SAMD4A: variants seen among roughly 807,000 people sequenced by gnomAD.
SAMD4A encodes the protein protein Smaug homolog 1.
SAMD4A carries 33 observed loss-of-function variants against 81.3 expected under a neutral mutation model. The observed-to-expected ratio is 0.41, with a 90% CI of 0.31 to 0.54. The LOEUF is 0.54. SAMD4A is among the 20% of genes least tolerant of loss of function. The pLI is 0.37. For synonymous variants in SAMD4A, 389 were observed against 382.1 expected, an observed-to-expected ratio of 1.02 and a Z score of -0.21; for missense variants, 854 against 951.1, an observed-to-expected ratio of 0.90 and a Z score of 1.34.
chr14:54,587,729 T>G (rs1400386084), intron 2 of SAMD4A, among the ~76,000 whole-genome samples: 1 of 152,218 alleles, frequency 6.6e-6, no homozygotes, highest in Non-Finnish European at 1.5e-5. Context: ...GCATCCCTGA[T>G]ATGAAACCCG....
intron 2 of SAMD4A, among the ~76,000 whole-genome samples, chr14:54,674,450 G>C (rs2035947988): frequency 6.6e-6 from 1 of 152,244 alleles, no homozygotes; most frequent in South Asian, 2.1e-4. Context: ...AATTGATTCT[G>C]TTCTCTAAAG....
At chr14:54,784,665 TGCCTGGGAGAACTG>T in intron 12 of SAMD4A, 45 bp downstream of exon 12, 1 of 1,554,958 alleles carries the variant, frequency 6.4e-7, no homozygotes. Flanking sequence ...TGTTACCGTG[TGCCTGGGAGAACTG>T]GCCATCTGCT....
In SAMD4A at chr14:54,789,013, C is replaced by G; in HGVS notation, c.*69C>G. The G allele has an allele frequency of 6.5e-7, 1 of 1,531,760 alleles. No homozygotes were observed. The allele number at this position is 1,531,760 out of a possible 1,614,324, so 94.9% of individuals were successfully genotyped here. On this transcript the variant is annotated 3_prime_UTR_variant, in exon 13 of 13. Coordinates refer to ENST00000554335, the MANE Select transcript of SAMD4A (RefSeq NM_015589.6). ...CTGCGGGTCCAGTGTCCGCCATCTT[C>G]AGGGTTGCACAGAATCCTCCAAGAT...
chr14:54,710,823 G>A (rs1390699496), intron 3 of SAMD4A, among the ~76,000 whole-genome samples: 2 of 152,194 alleles, frequency 1.3e-5, no homozygotes, highest in East Asian at 3.9e-4. Flanking sequence ...AGCTCCTTGG[G>A]GATAGGGGTT....
chr14:54,744,418 G>A (rs1456484685), intron 4 of SAMD4A, among the ~76,000 whole-genome samples: 1 of 152,132 alleles, frequency 6.6e-6, no homozygotes, highest in Non-Finnish European at 1.5e-5. Context: ...CCTGTGGCTG[G>A]TTTATCTAAA....
intron 2 of SAMD4A, among the ~76,000 whole-genome samples, chr14:54,688,552 CT>C (rs2036342462): frequency 6.6e-6 from 1 of 152,202 alleles, no homozygotes; most frequent in South Asian, 2.1e-4. Context: ...GCTTCCCTGT[CT>C]ATCCTTAGAT....
chr14:54,699,181 G>T (rs2273742), intron 2 of SAMD4A, among the ~76,000 whole-genome samples: 19,426 of 152,152 alleles, frequency 0.13, 1,925 homozygotes, highest in East Asian at 0.4. Context: ...TTAATGAATA[G>T]ATTTTATCTT....
intron 2 of SAMD4A, among the ~76,000 whole-genome samples, chr14:54,609,943 C>T (rs1231656594): frequency 1.3e-5 from 2 of 152,110 alleles, no homozygotes; most frequent in Admixed American, 6.5e-5. Context: ...GATGGGAGCC[C>T]ATTATGATTT....
chr14:54,673,708 A>G (rs1466195891), intron 2 of SAMD4A, among the ~76,000 whole-genome samples: 1 of 152,268 alleles, frequency 6.6e-6, no homozygotes, highest in Non-Finnish European at 1.5e-5. Flanking sequence ...GCAGCAGCCC[A>G]GCCCCAGCAG....
intron 5 of SAMD4A, among the ~76,000 whole-genome samples, chr14:54,750,753 G>A (rs935682448): frequency 6.6e-5 from 10 of 152,290 alleles, no homozygotes; most frequent in Admixed American, 4.6e-4. Flanking sequence ...ATGGGGTTGG[G>A]ACCTTTAGGG....
At chr14:54,747,350 C>G (rs893531052) in intron 4 of SAMD4A, among the ~76,000 whole-genome samples, 1 of 152,376 alleles carries the variant, frequency 6.6e-6, no homozygotes, top group East Asian at 1.9e-4. Context: ...TCATCCCCAC[C>G]TAAGTCTTTT....
chr14:54,590,222 T>C (rs1401281743), intron 2 of SAMD4A, among the ~76,000 whole-genome samples: 1 of 152,164 alleles, frequency 6.6e-6, no homozygotes, highest in Admixed American at 6.5e-5. Flanking sequence ...GTTCTCATGG[T>C]TCACGCCTGT....
intron 2 of SAMD4A, among the ~76,000 whole-genome samples, chr14:54,602,324 ACAC>A (rs2140228006): frequency 3.7e-4 from 1 of 2,736 alleles, no homozygotes; most frequent in Non-Finnish European, 8.7e-4. Flanking sequence ...GCTTTAAAAT[ACAC>A]ACACACACAC....
rs572339731 is a variant in SAMD4A, at chr14:54,783,797, C to T, written c.2045-740C>T. Among the ~76,000 whole-genome samples, 8 of 152,356 alleles carry T rather than the reference C, an allele frequency of 5.3e-5. No individual in the cohort carries two copies. In the East Asian group the frequency reaches 1.5e-3, roughly 29 times the overall value. ...ACACCTAAAGCCCCCCACGTGGTCTCACACTAAGAGGTGCGTGCTGGGCCC... is the reference window on the plus strand; with the variant it reads ...ACACCTAAAGCCCCCCACGTGGTCTTACACTAAGAGGTGCGTGCTGGGCCC... On this transcript the variant is annotated intron_variant, in intron 11 of 12. Coordinates refer to ENST00000554335, the MANE Select transcript of SAMD4A (RefSeq NM_015589.6).
chr14:54,574,494 C>G (rs1448797432), intron 2 of SAMD4A, among the ~76,000 whole-genome samples: 1 of 151,996 alleles, frequency 6.6e-6, no homozygotes, highest in Non-Finnish European at 1.5e-5. Flanking sequence ...CTTCCTGGGC[C>G]TTTGAAGGAT....
intron 10 of SAMD4A, among the ~76,000 whole-genome samples, chr14:54,776,114 G>T (rs772120090): frequency 1.3e-5 from 2 of 151,856 alleles, no homozygotes; most frequent in Non-Finnish European, 2.9e-5. Context: ...TAGAAAAGTG[G>T]CAGGGAAAAA....
chr14:54,702,584 A>C lies in SAMD4A; in HGVS notation c.715+4A>C. The C allele has an allele frequency of 6.2e-7, 1 of 1,613,374 alleles. No individual in the cohort carries two copies. The highest frequency in any genetic ancestry group is 8.5e-7 in the Non-Finnish European group (1 of 1,179,490). On this transcript the variant is annotated splice_donor_region_variant and intron_variant, in intron 3 of 12. Coordinates refer to ENST00000554335, the MANE Select transcript of SAMD4A (RefSeq NM_015589.6). The stretch of plus-strand genomic sequence containing the variant: ...ATTGGAACCAGCACAAGTACAAGTA[A>C]GTTCCCCGGAATCCCTTTAACGTAG...
chr14:54,648,505 G>A (rs946184132), intron 2 of SAMD4A, among the ~76,000 whole-genome samples: 4 of 152,320 alleles, frequency 2.6e-5, no homozygotes, highest in Non-Finnish European at 5.9e-5. Flanking sequence ...TGTATCCTGA[G>A]GCTGTATCAG....
chr14:54,784,768 C>G, intron 12 of SAMD4A, 148 bp downstream of exon 12: 1 of 731,610 alleles, frequency 1.4e-6, no homozygotes, highest in Non-Finnish European at 2.4e-6. Flanking sequence ...AAAGAGTGGC[C>G]TTAGGGTACT....
Sources: allele counts gnomAD v4.1 joint callset (sites outside exome capture counted in the v4.1 genomes callset), GRCh38; gene constraint gnomAD v4.1.1; transcripts MANE v1.5; gene names NCBI Gene and HGNC (gene_info 2026-07-23, HGNC 2026-07-21).